PLXNA4: variants seen among roughly 807,000 people sequenced by gnomAD.
PLXNA4 encodes the protein plexin-A4.
Under a neutral mutation model 191.8 loss-of-function variants are expected in PLXNA4, and 44 were observed. The observed-to-expected ratio is 0.23, with a 90% CI of 0.18 to 0.29. The LOEUF (loss-of-function observed/expected upper bound fraction) is 0.29, where lower values mean the gene tolerates loss of function less well. Among genes scored for constraint, PLXNA4 ranks in the 10% least tolerant of loss-of-function variants. The pLI, the probability that PLXNA4 is intolerant of heterozygous loss-of-function variation, is 1.00. For synonymous variants in PLXNA4, 1,082 were observed against 1,009.5 expected (o/e 1.07, Z -1.36); for missense variants, 1,800 against 2,488.8 (o/e 0.72, Z 5.89).
At chr7:132,295,203 G>A (rs1389376132) in intron 4 of PLXNA4, among the ~76,000 whole-genome samples, 1 of 152,130 alleles carries the variant, frequency 6.6e-6, no homozygotes, top group African/African-American at 2.4e-5. Context: ...ATTAAGAGGG[G>A]CCTATTAGGT....
At chr7:132,356,520 AC>A (rs1206101025) in intron 3 of PLXNA4, among the ~76,000 whole-genome samples, 1 of 152,174 alleles carries the variant, frequency 6.6e-6, no homozygotes, top group African/African-American at 2.4e-5. Flanking sequence ...ATAAGGGCAA[AC>A]CCCTGCAAGG....
chr7:132,322,110 G>A (rs976329583), intron 3 of PLXNA4, among the ~76,000 whole-genome samples: 6 of 151,746 alleles, frequency 4.0e-5, no homozygotes, highest in African/African-American at 4.8e-5. Context: ...GCAGGCACTC[G>A]GGTCTGAGAC....
rs770915210 is a variant in PLXNA4, at chr7:132,226,278, T to C, written c.1883-18A>G. ...GTGGTCCCCTACAAGGAGAGATGGC[T>C]GAGGGGTCAGGGAATGCTGAGGCCC... is the stretch of plus-strand genomic sequence containing the variant. On this transcript the variant is annotated intron_variant, in intron 7 of 31. Transcript: ENST00000321063. 1.2e-6 allele frequency: 2 copies of C among 1,603,670 alleles called. No homozygotes were observed. Among genetic ancestry groups the C allele is most frequent in the Admixed American group, 3.3e-5 (2 of 59,924 alleles).
At position 132,127,541 on chromosome 7, in the gene PLXNA4, A is replaced by G. The variant is rs141732910; in HGVS notation, c.*2938T>C. On this transcript the variant is annotated 3_prime_UTR_variant, in exon 32 of 32. Transcript: ENST00000321063. ...TTGCTTGTCTTTGCTTTTAAATACC[A>G]TATCACACGTGCACCAAGAATCCAA... The G allele has an allele frequency of 1.1e-4, 17 of 152,326 alleles. No individual in the cohort carries two copies. The East Asian group carries it at 3.1e-3, about 28-fold the overall frequency. The allele number at this position is 152,326 out of a possible 1,614,324, so 9.4% of individuals were successfully genotyped here.
At chr7:132,270,135 C>G (rs927834662) in intron 4 of PLXNA4, among the ~76,000 whole-genome samples, 4 of 152,182 alleles carry the variant, frequency 2.6e-5, no homozygotes, top group Non-Finnish European at 1.5e-5. Context: ...GCCCTACCTA[C>G]AGTTTTATTT....
intron 5 of PLXNA4, among the ~76,000 whole-genome samples, chr7:132,228,779 G>A (rs1361514265): frequency 6.6e-6 from 1 of 152,148 alleles, no homozygotes; most frequent in Non-Finnish European, 1.5e-5. Flanking sequence ...CACATCCTTA[G>A]CCCTTGCCAT....
chr7:132,463,008 C>A (rs1190088664), intron 3 of PLXNA4, among the ~76,000 whole-genome samples: 1 of 151,864 alleles, frequency 6.6e-6, no homozygotes, highest in Non-Finnish European at 1.5e-5. Context: ...CAACACCGTG[C>A]CCAGCTAACT....
intron 3 of PLXNA4, among the ~76,000 whole-genome samples, chr7:132,463,307 C>T (rs937158206): frequency 1.3e-5 from 2 of 152,228 alleles, no homozygotes; most frequent in East Asian, 1.9e-4. Context: ...TCAGTGGATG[C>T]TGCTGGGTTG....
At chr7:132,595,426 T>C (rs902268974) in intron 2 of PLXNA4, among the ~76,000 whole-genome samples, 9 of 152,304 alleles carry the variant, frequency 5.9e-5, no homozygotes, top group Middle Eastern at 3.4e-3. Context: ...CCGTCTCCCA[T>C]GCTAAATTGG....
chr7:132,284,769 T>C (rs1352895080), intron 4 of PLXNA4, among the ~76,000 whole-genome samples: 2 of 152,154 alleles, frequency 1.3e-5, no homozygotes, highest in Admixed American at 6.5e-5. Flanking sequence ...ATATTACAGG[T>C]GGATTTCTTT....
chr7:132,492,327 T>TGGGCACGACAGAAGGACATCAAC (rs1380884522), intron 2 of PLXNA4, among the ~76,000 whole-genome samples: 2 of 152,142 alleles, frequency 1.3e-5, no homozygotes, highest in African/African-American at 2.4e-5. Context: ...TCCCCTTGGC[T>TGGGCACGACAGAAGGACATCAAC]GGGCACGACA....
rs558369366 is a variant in PLXNA4, at chr7:132,596,707, T to C, written c.-87+49221A>G. Among the ~76,000 whole-genome samples, 16 of 152,160 alleles carry C rather than the reference T, an allele frequency of 1.1e-4. No homozygotes were observed. In the South Asian group the frequency reaches 3.3e-3, roughly 32 times the overall value. ...CTCCATGCTAGAGTCCTAGAGCTCA[T>C]TTTAGGGGTAGGAAGAAGGAGGTCA... On this transcript the variant is annotated intron_variant, in intron 2 of 4. Transcript: ENST00000378539.
At chr7:132,320,938 T>C (rs966267461) in intron 3 of PLXNA4, among the ~76,000 whole-genome samples, 1 of 152,158 alleles carries the variant, frequency 6.6e-6, no homozygotes, top group Non-Finnish European at 1.5e-5. Flanking sequence ...CACAAGGGCA[T>C]CCCCAGCAAG....
intron 9 of PLXNA4, among the ~76,000 whole-genome samples, chr7:132,221,262 A>C (rs890597232): frequency 1.3e-5 from 2 of 152,320 alleles, no homozygotes; most frequent in African/African-American, 4.8e-5. Flanking sequence ...AGAAATGCAA[A>C]AGCTTCTTGC....
In PLXNA4 at chr7:132,127,939, A is replaced by AAGTC. The variant is rs1794818138; in HGVS notation, c.*2536_*2539dup. On this transcript the variant is annotated 3_prime_UTR_variant, in exon 32 of 32. Transcript: ENST00000321063. ...ATAAAAGCTTCAGCAGAACCGTGAT[A>AAGTC]AGTCTTTTTTCTTTTTTTTTTCTGC... 1 of 146,740 alleles carries AAGTC rather than the reference A, an allele frequency of 6.8e-6. No individual in the cohort carries two copies. The highest frequency in any genetic ancestry group is 2.6e-5 in the African/African-American group (1 of 38,758). 9.1% of individuals were successfully genotyped at this position (146,740 alleles called of 1,614,324 possible). A position where few individuals can be genotyped will look rare whatever the true frequency, so the allele number is the denominator to read the frequency against.
At chr7:132,408,897 TG>T in intron 3 of PLXNA4, among the ~76,000 whole-genome samples, 1 of 122,424 alleles carries the variant, frequency 8.2e-6, no homozygotes, top group Non-Finnish European at 1.6e-5. Context: ...CTAAGAGGAA[TG>T]CGTTGGATCA....
At chr7:132,154,061 G>A (rs1795722175) in intron 25 of PLXNA4, among the ~76,000 whole-genome samples, 1 of 152,122 alleles carries the variant, frequency 6.6e-6, no homozygotes, top group Admixed American at 6.5e-5. Context: ...ATGACCACAT[G>A]CCTGGACCTC....
intron 2 of PLXNA4, among the ~76,000 whole-genome samples, chr7:132,605,792 T>C (rs916871269): frequency 1.3e-5 from 2 of 152,110 alleles, no homozygotes; most frequent in Admixed American, 1.3e-4. Context: ...TTAGTGTTCT[T>C]ATACAAAGAG....
upstream of PLXNA4, chr7:132,576,677 T>C (rs570582826): frequency 1.3e-5 from 11 of 853,536 alleles, 1 homozygote; most frequent in Admixed American, 6.2e-4. This position sits in a 1 kb window ranked among gnomAD's most constrained non-coding sequence, Gnocchi z 5.8. Context: ...GTGGGCGTAA[T>C]GTCCAACAAA....
Sources: gnomAD v4.1 joint callset for allele counts (sites outside exome capture counted in the v4.1 genomes callset) on GRCh38, gnomAD v4.1.1 for gene constraint, Gnocchi (gnomAD v3.1) non-coding constraint, MANE v1.5 for transcripts, NCBI Gene and HGNC (gene_info 2026-07-23, HGNC 2026-07-21) for gene names.